The following SRRM3 variants were observed in gnomAD, a reference collection of about 807,000 sequenced individuals.
SRRM3 encodes serine/arginine repetitive matrix 3, also known as serine/arginine repetitive matrix protein 3.
A neutral mutation model predicts 66.2 loss-of-function variants in SRRM3; 27 were observed. That is an observed-to-expected ratio of 0.41 (90% CI 0.30 to 0.56). The LOEUF (loss-of-function observed/expected upper bound fraction) is 0.56, where lower values mean the gene tolerates loss of function less well. Among genes scored for constraint, SRRM3 ranks in the 20% least tolerant of loss-of-function variants. The probability of loss-of-function intolerance (pLI) is 0.32; values close to 1 mark genes in which losing one functional copy is unlikely to be tolerated. For missense variants in SRRM3, 918 were observed against 991.9 expected, an observed-to-expected ratio of 0.93 and a Z score of 1.00; for synonymous variants, 391 against 414.9, an observed-to-expected ratio of 0.94 and a Z score of 0.70.
intron 3 of SRRM3, 141 bp from the exon 4 acceptor site, chr7:76,259,765 G>A (rs1801805708): frequency 5.4e-6 from 7 of 1,291,908 alleles, no homozygotes; most frequent in Non-Finnish European, 1.1e-6. Context: ...GTAAGGCCAG[G>A]GGCCGCAGTT....
chr7:76,282,750 C>T lies in SRRM3; in HGVS notation c.1473C>T (p.Ser491=), dbSNP rs1426943953. Residue 491 remains serine, a synonymous_variant, in exon 13 of 15, where the codon AGC becomes AGT. Coordinates refer to ENST00000611745, the MANE Select transcript of SRRM3 (RefSeq NM_001110199.3). ...CAGAAGGGAAGAGCTCGTCGCGCAG[C>T]CCCGGCCCGCACCCCCGCTCCTGGA... ...GGPEGKSSSR[S]PGPHPRSWSS... The T allele has an allele frequency of 4.1e-6, 6 of 1,464,494 alleles. No homozygotes were observed. Among genetic ancestry groups the T allele is most frequent in the Non-Finnish European group, 5.4e-6 (6 of 1,114,318 alleles). 90.7% of individuals were successfully genotyped at this position (1,464,494 alleles called of 1,614,324 possible).
chr7:76,217,367 C>T (rs571234340), intron 1 of SRRM3, among the ~76,000 whole-genome samples: 79 of 152,290 alleles, frequency 5.2e-4, no homozygotes, highest in African/African-American at 1.8e-3. Context: ...CCACTGCAAC[C>T]TCCTTCCCCC....
rs1161706465 is a variant in SRRM3, at chr7:76,236,005, CAAAAAAAAA to C, written c.233+723_233+731del. On this transcript the variant is annotated intron_variant, in intron 2 of 14. Coordinates refer to ENST00000611745, the MANE Select transcript of SRRM3 (RefSeq NM_001110199.3). Reference sequence around the variant, plus strand: ...TGGGCAACAGATCGAGATTCTGTCTCAAAAAAAAAAAAAAAAAAAAAAAAAGGCCGGGCG... The same window carrying C: ...TGGGCAACAGATCGAGATTCTGTCTCAAAAAAAAAAAAAAAAGGCCGGGCG... 8.4e-4 allele frequency among the ~76,000 whole-genome samples: 17 copies of C among 20,272 alleles called. No homozygotes were observed. In the South Asian group the frequency reaches 0.013, roughly 16 times the overall value. 13.3% of individuals were successfully genotyped at this position (20,272 alleles called of 152,430 possible).
chr7:76,208,908 A>G (rs1800365060), intron 1 of SRRM3, among the ~76,000 whole-genome samples: 1 of 150,738 alleles, frequency 6.6e-6, no homozygotes, highest in South Asian at 2.1e-4. Context: ...GGAGGGAGGG[A>G]GAGAGGGAGA....
At chr7:76,268,800 G>A (rs1554610152) in intron 11 of SRRM3, 1 of 152,424 alleles carries the variant, frequency 6.6e-6, no homozygotes, top group African/African-American at 2.4e-5. Context: ...TCTTGGGAGG[G>A]GGTTGAGGGC....
chr7:76,266,251 A>ATATTTAATATATATATAAATATTTATG (rs1802034688), intron 10 of SRRM3, among the ~76,000 whole-genome samples: 1 of 121,450 alleles, frequency 8.2e-6, no homozygotes. Context: ...AAATATTTAT[A>ATATTTAATATATATATAAATATTTATG]TATTTAATAT....
rs540038135 is a variant in SRRM3, at chr7:76,271,889, G to A, written c.1008+4454G>A. On this transcript the variant is annotated intron_variant, in intron 11 of 14. Coordinates refer to ENST00000611745, the MANE Select transcript of SRRM3 (RefSeq NM_001110199.3). ...GGTCTGCCTACACTGAGAGACCTGGGTGCAGGTGGCCCCCACATTACAGAA... is the reference window on the plus strand; with the variant it reads ...GGTCTGCCTACACTGAGAGACCTGGATGCAGGTGGCCCCCACATTACAGAA... 9.2e-5 allele frequency among the ~76,000 whole-genome samples: 14 copies of A among 152,290 alleles called. No individual in the cohort carries two copies. In the South Asian group the frequency reaches 1.0e-3, roughly 11 times the overall value.
chr7:76,253,643 A>G (rs1332996497), intron 3 of SRRM3, among the ~76,000 whole-genome samples: 4 of 151,042 alleles, frequency 2.6e-5, no homozygotes, highest in Non-Finnish European at 5.9e-5. Context: ...AAAATAAAAT[A>G]AAAATAAAAA....
Position 76,267,293 on chromosome 7 carries a change from C to T in SRRM3, c.866C>T (p.Thr289Met). 6.4e-7 allele frequency: 1 copy of T among 1,556,248 alleles called. No individual in the cohort carries two copies. ...SPKHRDEGRK[T>M]GSQRSSGSRS... ...AAGCACCGAGACGAAGGGCGAAAGA[C>T]GGGCAGCCAGCGGTCCAGCGGAAGC... is the stretch of plus-strand genomic sequence containing the variant. The change falls in exon 11 of 15, where the codon ACG becomes ATG. Residue 289 changes from threonine to methionine, a missense_variant. Thr to Met is a moderately conservative substitution (Grantham distance 81, BLOSUM62 -1). Transcript: ENST00000611745.
chr7:76,274,601 G>A (rs1444618133), intron 11 of SRRM3, among the ~76,000 whole-genome samples: 1 of 152,190 alleles, frequency 6.6e-6, no homozygotes, highest in Non-Finnish European at 1.5e-5. Flanking sequence ...CCTCAGAGCA[G>A]AACAATTCCA....
rs781857569 is a variant in SRRM3, at chr7:76,281,712, G to A, written c.1280G>A (p.Arg427His). The A allele has an allele frequency of 8.3e-7, 1 of 1,198,750 alleles. No individual in the cohort carries two copies. Among genetic ancestry groups the A allele is most frequent in the Non-Finnish European group, 1.0e-6 (1 of 962,106 alleles). 74.3% of individuals were successfully genotyped at this position (1,198,750 alleles called of 1,614,324 possible). A position where few individuals can be genotyped will look rare whatever the true frequency, so the allele number is the denominator to read the frequency against. The change falls in exon 12 of 15, where the codon CGC becomes CAC. Residue 427 changes from arginine (R) to histidine (H), a missense_variant. Coordinates refer to ENST00000611745, the MANE Select transcript of SRRM3 (RefSeq NM_001110199.3). Reference protein sequence around the residue: ...RGSSRSLSRARSSSDSGSGRG... With the variant: ...RGSSRSLSRAHSSSDSGSGRG... ...TCGTCGCGCTCGCTCAGCAGGGCCC[G>A]CTCCAGCAGCGACTCCGGCAGCGGC...
Position 76,238,971 on chromosome 7 carries a change from C to T in SRRM3, c.233+3672C>T, listed in dbSNP as rs565515713. ...GCCACCATGCCCAGACGCCATGCCT[C>T]TTCTTGTAAGGACTTGGGTGAGGCG... On this transcript the variant is annotated intron_variant, in intron 2 of 14. Transcript: ENST00000611745. 3.3e-5 allele frequency among the ~76,000 whole-genome samples: 5 copies of T among 152,090 alleles called. No individual in the cohort carries two copies. The South Asian group carries it at 8.3e-4, about 25-fold the overall frequency.
intron 11 of SRRM3, among the ~76,000 whole-genome samples, chr7:76,274,830 GTGC>G (rs1554610899): frequency 5.3e-4 from 81 of 152,368 alleles, no homozygotes; most frequent in African/African-American, 1.9e-3. Context: ...TTCTGGCCAG[GTGC>G]AGTGGCTCAC....
intron 11 of SRRM3, 98 bp downstream of exon 11, chr7:76,267,533 A>C (rs1802102003): frequency 4.5e-4 from 61 of 136,434 alleles, no homozygotes; most frequent in East Asian, 1.5e-3. Flanking sequence ...TAAGTGTGGC[A>C]TGGGGGCGGG....
chr7:76,211,241 C>G lies in SRRM3; in HGVS notation c.-40+9174C>G, dbSNP rs543018502. ...TTTTGAGCCGGCCTCACAGATGGAG[C>G]TCGTAGAATGAATGCAGGTTTGCCA... is the stretch of plus-strand genomic sequence containing the variant. On this transcript the variant is annotated intron_variant, in intron 1 of 14. Transcript: ENST00000611745. 2.0e-5 allele frequency among the ~76,000 whole-genome samples: 3 copies of G among 152,286 alleles called. No homozygotes were observed. The South Asian group carries it at 6.2e-4, about 32-fold the overall frequency.
intron 1 of SRRM3, among the ~76,000 whole-genome samples, chr7:76,224,225 G>A (rs1191838912): frequency 2.7e-5 from 4 of 147,002 alleles, no homozygotes; most frequent in Admixed American, 6.9e-5. Flanking sequence ...GAGTACAGGC[G>A]CACACTGCCA....
intron 11 of SRRM3, 81 bp downstream of exon 11, chr7:76,267,516 G>C (rs1386076468): frequency 2.0e-6 from 2 of 1,024,010 alleles, no homozygotes; most frequent in Non-Finnish European, 2.5e-6. Flanking sequence ...AGCGGGGCAG[G>C]GGGCGATAAG....
chr7:76,231,869 G>C (rs1197950374), intron 1 of SRRM3, among the ~76,000 whole-genome samples: 1 of 152,168 alleles, frequency 6.6e-6, no homozygotes, highest in Admixed American at 6.5e-5. Context: ...CCTAGGTGAA[G>C]AAAAGGGGAA....
rs2117134369 is a variant in SRRM3 at position 76,287,140 on chromosome 7, TTGGCCCAACCAGGCAGA to T, written c.*1300_*1316del. On this transcript the variant is annotated 3_prime_UTR_variant, in exon 15 of 15. Transcript: ENST00000611745. ...CCTCAGGGATCTCATGAAGTCTTCCTTGGCCCAACCAGGCAGATGCCCCGGGCTCCAGTGGGGGGAGG... is the reference window on the plus strand; with the variant it reads ...CCTCAGGGATCTCATGAAGTCTTCCTTGCCCCGGGCTCCAGTGGGGGGAGG... The T allele has an allele frequency of 6.5e-6, 1 of 152,878 alleles. No homozygotes were observed. The highest frequency in any genetic ancestry group is 2.4e-5 in the African/African-American group (1 of 41,574). The allele number at this position is 152,878 out of a possible 1,614,324, so 9.5% of individuals were successfully genotyped here.
Sources: allele counts gnomAD v4.1 joint callset (sites outside exome capture counted in the v4.1 genomes callset), GRCh38; gene constraint gnomAD v4.1.1; transcripts MANE v1.5; gene names NCBI Gene and HGNC (gene_info 2026-07-23, HGNC 2026-07-21).